PLCL1: variants seen among roughly 807,000 people sequenced by gnomAD.
PLCL1 encodes the protein phospholipase C like 1 (inactive).
Under a neutral mutation model 84.4 loss-of-function variants are expected in PLCL1, and 41 were observed. The ratio of observed to expected loss-of-function variants is 0.49; its 90% CI spans 0.38 to 0.63. The LOEUF is 0.63. Among genes scored for constraint, PLCL1 ranks in the 30% least tolerant of loss-of-function variants. The pLI is 0.00. For missense variants in PLCL1, 1,206 were observed against 1,367.8 expected (o/e 0.88, Z 1.87); for synonymous variants, 490 against 488.3 (o/e 1.00, Z -0.05).
At chr2:198,039,532 C>G (rs1408937917) in intron 1 of PLCL1, among the ~76,000 whole-genome samples, 1 of 152,104 alleles carries the variant, frequency 6.6e-6, no homozygotes, top group Non-Finnish European at 1.5e-5. Context: ...TTTTGTAAGT[C>G]CCATGAAGGA....
rs1487596137 is a variant in PLCL1 at position 197,886,187 on chromosome 2, G to A, written c.240+80848G>A. Among the ~76,000 whole-genome samples the A allele has an allele frequency of 5.9e-5, 9 of 152,038 alleles. No individual in the cohort carries two copies. In the East Asian group the frequency reaches 1.5e-3, roughly 26 times the overall value. On this transcript the variant is annotated intron_variant, in intron 1 of 5. Transcript: ENST00000428675. The stretch of plus-strand genomic sequence containing the variant: ...AGCATTTTGGGAGGCTGAGGCGGGC[G>A]GATCACTTGAGGTTAGGAGTTCAAG...
At chr2:198,080,440 T>A (rs1435292859) in intron 1 of PLCL1, among the ~76,000 whole-genome samples, 1 of 152,190 alleles carries the variant, frequency 6.6e-6, no homozygotes, top group Non-Finnish European at 1.5e-5. Context: ...AATACAGATG[T>A]AGGGGTGTAG....
chr2:197,997,912 A>G (rs763738918), intron 1 of PLCL1, among the ~76,000 whole-genome samples: 8 of 152,176 alleles, frequency 5.3e-5, no homozygotes, highest in Non-Finnish European at 1.2e-4. Context: ...GTAACACTTT[A>G]GATTGAGGAT....
In PLCL1 at chr2:197,880,666, A is replaced by C. The variant is rs142900431; in HGVS notation, c.240+75327A>C. 2.3e-3 allele frequency among the ~76,000 whole-genome samples: 349 copies of C among 152,288 alleles called. 1 individual carries two copies. The highest frequency in any genetic ancestry group is 7.9e-3 in the African/African-American group (329 of 41,576). ...ACATCTAGAGTCTAGAATGAACAACATTATGTATAGGAGAAAAGTGGAATA... is the reference window on the plus strand; with the variant it reads ...ACATCTAGAGTCTAGAATGAACAACCTTATGTATAGGAGAAAAGTGGAATA... On this transcript the variant is annotated intron_variant, in intron 1 of 5. Coordinates refer to ENST00000428675, the MANE Select transcript of PLCL1 (RefSeq NM_006226.4).
chr2:197,903,594 C>T (rs1013184957), intron 1 of PLCL1, among the ~76,000 whole-genome samples: 1 of 142,886 alleles, frequency 7.0e-6, no homozygotes, highest in Non-Finnish European at 1.5e-5. Flanking sequence ...CGCCATTCTC[C>T]TACCTCAGTC....
intron 1 of PLCL1, among the ~76,000 whole-genome samples, chr2:198,014,589 T>C (rs1690947882): frequency 6.6e-6 from 1 of 152,132 alleles, no homozygotes; most frequent in Non-Finnish European, 1.5e-5. Flanking sequence ...ATCTTTATTA[T>C]AACCATGTGG....
intron 1 of PLCL1, among the ~76,000 whole-genome samples, chr2:197,923,567 G>A (rs1374511240): frequency 4.8e-5 from 7 of 147,008 alleles, no homozygotes; most frequent in Non-Finnish European, 1.1e-4. Flanking sequence ...ATGGGCGGCC[G>A]GGCAGAGACG....
At chr2:197,828,098 GTTTTTC>G (rs1319117660) in intron 1 of PLCL1, among the ~76,000 whole-genome samples, 3 of 151,906 alleles carry the variant, frequency 2.0e-5, no homozygotes, top group Admixed American at 6.6e-5. Context: ...TGTTATTATA[GTTTTTC>G]TTTTTCTTTT....
intron 5 of PLCL1, among the ~76,000 whole-genome samples, chr2:198,112,832 C>T (rs1194392196): frequency 3.3e-5 from 5 of 151,814 alleles, no homozygotes; most frequent in East Asian, 1.9e-4. Flanking sequence ...AGTTTAGTCT[C>T]GCTCAACCTA....
chr2:198,002,614 A>T (rs1690629081), intron 1 of PLCL1, among the ~76,000 whole-genome samples: 1 of 152,192 alleles, frequency 6.6e-6, no homozygotes, highest in Non-Finnish European at 1.5e-5. Flanking sequence ...CCAGTAACTT[A>T]GCTTGTGGGG....
At chr2:198,116,293 G>A (rs1221610589) in intron 5 of PLCL1, among the ~76,000 whole-genome samples, 1 of 151,708 alleles carries the variant, frequency 6.6e-6, no homozygotes, top group Non-Finnish European at 1.5e-5. Flanking sequence ...CATACTCATA[G>A]TAATAGGCCA....
At position 198,085,541 on chromosome 2, in the gene PLCL1, G is replaced by A. The variant is rs185593388; in HGVS notation, c.2024G>A (p.Gly675Asp). ...QIVAMNFQTP[G>D]PMMDLHTGWF... ...GTAGCAATGAATTTTCAGACTCCGG[G>A]TCCAATGATGGACCTTCACACGGGC... Residue 675 changes from glycine (G) to aspartate (D), a missense_variant, in exon 2 of 6, where the codon GGT becomes GAT. Coordinates refer to ENST00000428675, the MANE Select transcript of PLCL1 (RefSeq NM_006226.4). This position sits in a 1 kb window ranked among gnomAD's most constrained non-coding sequence, Gnocchi z 5.3. 6.2e-7 allele frequency: 1 copy of A among 1,613,992 alleles called. No individual in the cohort carries two copies. The highest frequency in any genetic ancestry group is 1.7e-5 in the Admixed American group (1 of 60,016).
intron 1 of PLCL1, among the ~76,000 whole-genome samples, chr2:197,953,096 A>C (rs1329104068): frequency 1.3e-5 from 2 of 152,102 alleles, no homozygotes; most frequent in East Asian, 3.9e-4. Flanking sequence ...TTTTGAGAAC[A>C]ATGTTATGAA....
chr2:197,974,919 A>G (rs957492660), intron 1 of PLCL1, among the ~76,000 whole-genome samples: 1 of 152,030 alleles, frequency 6.6e-6, no homozygotes, highest in Non-Finnish European at 1.5e-5. Context: ...AGGCGGGTGG[A>G]TCATGAGGTC....
chr2:197,974,714 T>C lies in PLCL1; in HGVS notation c.241-109044T>C, dbSNP rs1239442635. On this transcript the variant is annotated intron_variant, in intron 1 of 5. Transcript: ENST00000428675. ...TTGTTCATTGCTAAGCTCATGGCTT[T>C]ATTCTGTAATGGTATTGTGTACTTT... Among the ~76,000 whole-genome samples, 3 of 152,384 alleles carry C rather than the reference T, an allele frequency of 2.0e-5. No individual in the cohort carries two copies. The East Asian group carries it at 5.8e-4, about 29-fold the overall frequency.
chr2:197,977,298 CT>C (rs1028123136), intron 1 of PLCL1, among the ~76,000 whole-genome samples: 8 of 152,202 alleles, frequency 5.3e-5, no homozygotes, highest in Admixed American at 5.2e-4. Context: ...ACCTAACCCC[CT>C]GTTGTCCTAT....
intron 1 of PLCL1, among the ~76,000 whole-genome samples, chr2:197,876,390 A>G (rs1687732016): frequency 6.6e-6 from 1 of 152,106 alleles, no homozygotes; most frequent in African/African-American, 2.4e-5. Flanking sequence ...GATGCATTTT[A>G]TTTTATGTAA....
chr2:197,870,859 G>C (rs1002279223), intron 1 of PLCL1, among the ~76,000 whole-genome samples: 1 of 151,384 alleles, frequency 6.6e-6, no homozygotes, highest in Non-Finnish European at 1.5e-5. Context: ...TCTTACTACT[G>C]GGGGGAAAAG....
At chr2:197,831,885 A>G (rs1346059803) in intron 1 of PLCL1, among the ~76,000 whole-genome samples, 1 of 152,128 alleles carries the variant, frequency 6.6e-6, no homozygotes, top group African/African-American at 2.4e-5. Context: ...CTACATGGAA[A>G]CTGAACAACC....
Sources: gnomAD v4.1 joint callset for allele counts (sites outside exome capture counted in the v4.1 genomes callset) on GRCh38, gnomAD v4.1.1 for gene constraint, Gnocchi (gnomAD v3.1) non-coding constraint, MANE v1.5 for transcripts, NCBI Gene and HGNC (gene_info 2026-07-23, HGNC 2026-07-21) for gene names.